The following ANKFN1 variants were observed in gnomAD, a reference collection of about 807,000 sequenced individuals.
The protein encoded by ANKFN1 is ankyrin repeat and fibronectin type III domain containing 1.
Under a neutral mutation model 108.7 loss-of-function variants are expected in ANKFN1, and 74 were observed. The ratio of observed to expected loss-of-function variants is 0.68; its 90% confidence interval spans 0.56 to 0.83. ANKFN1 has a LOEUF of 0.83. Among genes scored for constraint, ANKFN1 ranks in the 40% least tolerant of loss-of-function variants. ANKFN1 has a pLI of 0.00. For missense variants in ANKFN1, 1,505 were observed against 1,382.3 expected (o/e 1.09, Z -1.41); for synonymous variants, 547 against 516.2 (o/e 1.06, Z -0.81).
intron 3 of ANKFN1, among the ~76,000 whole-genome samples, chr17:56,281,552 T>G (rs1023048618): frequency 6.6e-6 from 1 of 152,196 alleles, no homozygotes; most frequent in East Asian, 1.9e-4. Context: ...AGACTCCATT[T>G]AAAAATATGT....
intron 1 of ANKFN1, among the ~76,000 whole-genome samples, chr17:56,174,602 G>A (rs1334766106): frequency 1.3e-5 from 2 of 152,124 alleles, no homozygotes; most frequent in Admixed American, 1.3e-4. Flanking sequence ...TTCCTGCTAA[G>A]GGTCCTATAA....
chr17:56,049,874 C>A (rs1373391113), intron 4 of ANKFN1, among the ~76,000 whole-genome samples: 2 of 151,174 alleles, frequency 1.3e-5, no homozygotes. Flanking sequence ...GTCTTTATAG[C>A]AGCATGATTT....
rs1425200552 is a variant in ANKFN1, at chr17:56,249,327, G to A, written c.53+21370G>A. ...CAGGTGCCTGTAATCCCAGATACTT[G>A]GGAGGCTGAAGCAGGAGAATCGCTT... On this transcript the variant is annotated intron_variant, in intron 3 of 20. Transcript: ENST00000682825. Among the ~76,000 whole-genome samples the A allele has an allele frequency of 3.3e-5, 5 of 152,054 alleles. No individual in the cohort carries two copies. In the South Asian group the frequency reaches 8.3e-4, roughly 25 times the overall value.
At position 56,153,490 on chromosome 17, in the gene ANKFN1, A is replaced by G. The variant is rs754904385; in HGVS notation, c.-111A>G. 3.7e-6 allele frequency: 6 copies of G among 1,613,850 alleles called. No homozygotes were observed. In the African/African-American group the frequency reaches 6.7e-5, roughly 18 times the overall value. On this transcript the variant is annotated 5_prime_UTR_variant, in exon 1 of 21. Transcript: ENST00000682825. ...CCCCCAGGTCCTCTTTCAACTCAAG[A>G]GCTCAGTCCTGTGTCTCTCATGGAG...
chr17:56,389,568 T>A (rs1305894453), intron 8 of ANKFN1, among the ~76,000 whole-genome samples: 1 of 152,218 alleles, frequency 6.6e-6, no homozygotes, highest in Non-Finnish European at 1.5e-5. Context: ...GTATGCTCAG[T>A]AAACATGACC....
chr17:56,136,430 C>G (rs1907603900), intron 4 of ANKFN1, among the ~76,000 whole-genome samples: 1 of 152,180 alleles, frequency 6.6e-6, no homozygotes, highest in South Asian at 2.1e-4. Flanking sequence ...GACACCAGAA[C>G]AAATGTCCTG....
At chr17:56,080,318 T>A (rs528648439) in intron 4 of ANKFN1, among the ~76,000 whole-genome samples, 1 of 152,346 alleles carries the variant, frequency 6.6e-6, no homozygotes, top group Non-Finnish European at 1.5e-5. Flanking sequence ...AGAATATATG[T>A]ACAAGGATTG....
At chr17:56,224,759 G>A (rs1916136678) in intron 2 of ANKFN1, 1 of 152,210 alleles carries the variant, frequency 6.6e-6, no homozygotes. Context: ...GTTCTCAGAA[G>A]AGATCACAGA....
intron 4 of ANKFN1, among the ~76,000 whole-genome samples, chr17:56,096,004 T>C (rs574506609): frequency 6.6e-6 from 1 of 152,276 alleles, no homozygotes; most frequent in African/African-American, 2.4e-5. Flanking sequence ...CCTTGAACGA[T>C]TTTACCTTAT....
chr17:56,350,239 G>A (rs1286068787), intron 4 of ANKFN1, among the ~76,000 whole-genome samples: 1 of 152,102 alleles, frequency 6.6e-6, no homozygotes, highest in African/African-American at 2.4e-5. Context: ...ATGGACAGAG[G>A]ACAGATGCAA....
At chr17:56,306,925 A>G (rs994870162) in intron 3 of ANKFN1, among the ~76,000 whole-genome samples, 1 of 152,240 alleles carries the variant, frequency 6.6e-6, no homozygotes, top group Non-Finnish European at 1.5e-5. Context: ...ATAATGCCGC[A>G]TATCTACAAC....
chr17:56,068,069 C>T (rs139513046), intron 4 of ANKFN1, among the ~76,000 whole-genome samples: 10 of 152,182 alleles, frequency 6.6e-5, no homozygotes, highest in African/African-American at 7.2e-5. Flanking sequence ...CCCAAATATG[C>T]GGTGCACTCC....
Position 56,442,913 on chromosome 17 carries a change from C to G in ANKFN1, c.1079C>G (p.Pro360Arg), listed in dbSNP as rs773243312. ...KGWGPAQTTT[P>R]ACASPSNWKD... The stretch of plus-strand genomic sequence containing the variant: ...TGGGGACCTGCTCAGACCACGACAC[C>G]GGCATGTGCCTCTCCTTCTAGTAGG... The change falls in exon 10 of 21, where the codon CCG becomes CGG. Residue 360 changes from proline (P) to arginine (R), a missense_variant. Physicochemically the swap from Pro to Arg is moderately radical, Grantham distance 103 (BLOSUM62 -2). Transcript: ENST00000682825. 1.2e-6 allele frequency: 2 copies of G among 1,613,692 alleles called. No individual in the cohort carries two copies. The highest frequency in any genetic ancestry group is 1.7e-6 in the Non-Finnish European group (2 of 1,179,700).
At chr17:56,133,724 T>A (rs1353565527) in intron 4 of ANKFN1, among the ~76,000 whole-genome samples, 4 of 152,162 alleles carry the variant, frequency 2.6e-5, no homozygotes, top group African/African-American at 4.8e-5. Context: ...GTGTAGACAA[T>A]CATTGAATCT....
chr17:56,423,230 A>T (rs2048464112), intron 8 of ANKFN1, among the ~76,000 whole-genome samples: 2 of 152,232 alleles, frequency 1.3e-5, no homozygotes, highest in African/African-American at 4.8e-5. Context: ...ACAGAAAGCA[A>T]GTGGGCTGGA....
chr17:56,046,966 T>C (rs879681758), intron 4 of ANKFN1, among the ~76,000 whole-genome samples: 1 of 152,048 alleles, frequency 6.6e-6, no homozygotes, highest in South Asian at 2.1e-4. Context: ...TATGGGAAAG[T>C]TTTTTCTTTT....
intron 4 of ANKFN1, among the ~76,000 whole-genome samples, chr17:56,348,466 C>T (rs1289648512): frequency 6.6e-6 from 1 of 152,018 alleles, no homozygotes; most frequent in African/African-American, 2.4e-5. Context: ...TCAGAGGGAA[C>T]AGACAACCTA....
chr17:56,258,290 C>G (rs896609376), intron 3 of ANKFN1: 3 of 152,188 alleles, frequency 2.0e-5, no homozygotes, highest in African/African-American at 7.2e-5. Flanking sequence ...GCCCTCTACT[C>G]TAGCTTAAAA....
chr17:56,126,790 C>T (rs1335167006), intron 4 of ANKFN1, among the ~76,000 whole-genome samples: 1 of 152,180 alleles, frequency 6.6e-6, no homozygotes, highest in Non-Finnish European at 1.5e-5. Flanking sequence ...AGAAACAGCA[C>T]CAGGCTTTAA....
Sources: allele counts gnomAD v4.1 joint callset (sites outside exome capture counted in the v4.1 genomes callset), GRCh38; gene constraint gnomAD v4.1.1; transcripts MANE v1.5; gene names NCBI Gene and HGNC (gene_info 2026-07-23, HGNC 2026-07-21).